The following MCRS1 variants were observed in gnomAD, a reference collection of about 807,000 sequenced individuals.
MCRS1 encodes microspherule protein 1.
MCRS1 carries 22 observed loss-of-function variants against 62.9 expected under a neutral mutation model. The observed-to-expected ratio is 0.35, with a 90% CI of 0.25 to 0.50. The LOEUF (loss-of-function observed/expected upper bound fraction) is 0.50, where lower values mean the gene tolerates loss of function less well. Ranked by LOEUF, MCRS1 falls within the 20% of genes least tolerant of loss-of-function variation. The pLI is 0.98. For missense variants in MCRS1, 456 were observed against 601.1 expected (o/e 0.76, Z 2.52); for synonymous variants, 244 against 233.5 (o/e 1.04, Z -0.41).
chr12:49,564,135 A>G (rs975377288), intron 6 of MCRS1, among the ~76,000 whole-genome samples: 73 of 152,184 alleles, frequency 4.8e-4, no homozygotes, highest in African/African-American at 1.7e-3. Flanking sequence ...TAGGAGGTCA[A>G]TGTGGAAAGG....
chr12:49,568,114 G>C lies in MCRS1; in HGVS notation c.-177C>G, dbSNP rs1939160333. On this transcript the variant is annotated 5_prime_UTR_variant, in exon 1 of 15. Transcript: ENST00000343810. ...GGTAGCAGCCGCAGGGCCAAAGCCGGCTTCCGTGAGGTACGTCTACTTCCG... is the reference window on the plus strand; with the variant it reads ...GGTAGCAGCCGCAGGGCCAAAGCCGCCTTCCGTGAGGTACGTCTACTTCCG... The C allele has an allele frequency of 6.6e-6, 1 of 152,262 alleles. No homozygotes were observed. Among genetic ancestry groups the C allele is most frequent in the South Asian group, 2.1e-4 (1 of 4,838 alleles). 9.4% of individuals were successfully genotyped at this position (152,262 alleles called of 1,614,324 possible).
At chr12:49,564,665 T>C (rs986433840) in intron 5 of MCRS1, 72 bp downstream of exon 5, 23 of 1,605,046 alleles carry the variant, frequency 1.4e-5, no homozygotes, top group African/African-American at 1.3e-5. Flanking sequence ...CAGGGCCCTG[T>C]TGGGCTAATT....
rs892001458 is a variant in MCRS1, at chr12:49,568,100, C to G, written c.-163G>C. 2.6e-5 allele frequency: 4 copies of G among 152,258 alleles called. No individual in the cohort carries two copies. The highest frequency in any genetic ancestry group is 5.9e-5 in the Non-Finnish European group (4 of 68,054). The allele number at this position is 152,258 out of a possible 1,614,324, so 9.4% of individuals were successfully genotyped here. ...TTCTCCGCGGCGACGGTAGCAGCCG[C>G]AGGGCCAAAGCCGGCTTCCGTGAGG... On this transcript the variant is annotated 5_prime_UTR_variant, in exon 1 of 15. Transcript: ENST00000343810.
chr12:49,559,588 G>C lies in MCRS1; in HGVS notation c.1004-53C>G. 6.2e-7 allele frequency: 1 copy of C among 1,600,002 alleles called. No individual in the cohort carries two copies. The highest frequency in any genetic ancestry group is 1.7e-5 in the Admixed American group (1 of 59,918). ...CTACCCCTGAGGGCCAGAATGCAAGGCAGGGAACCAGGGCAAGGTTTATAA... is the reference window on the plus strand; with the variant it reads ...CTACCCCTGAGGGCCAGAATGCAAGCCAGGGAACCAGGGCAAGGTTTATAA... On this transcript the variant is annotated intron_variant, in intron 11 of 14. Coordinates refer to ENST00000343810, the MANE Select transcript of MCRS1 (RefSeq NM_006337.5). This position sits in a 1 kb window ranked among gnomAD's most constrained non-coding sequence, Gnocchi z 5.2.
rs1938941580 is a variant in MCRS1 at position 49,564,492 on chromosome 12, A to G, written c.546T>C (p.Pro182=). 1.9e-6 allele frequency: 3 copies of G among 1,612,634 alleles called. No individual in the cohort carries two copies. The highest frequency in any genetic ancestry group is 2.5e-6 in the Non-Finnish European group (3 of 1,179,134). ...QERWYALLYD[P]VISKLACQAM... is the part of the protein sequence containing the mutation. ...CAGCTCCCACTCACTTGGAGATGAC[A>G]GGATCGTAGAGCAGGGCGTACCAAC... The change falls in exon 6 of 15, where the codon CCT becomes CCC. Residue 182 remains proline (P), a synonymous_variant. Coordinates refer to ENST00000343810, the MANE Select transcript of MCRS1 (RefSeq NM_006337.5).
In MCRS1 at chr12:49,559,489, C is replaced by T; in HGVS notation, c.1050G>A (p.Arg350=). ...GCATCAGGTACCGCACCATGCGGCCCCGCAGCACTGCCAGTGTCTGGTTGT... is the reference window on the plus strand; with the variant it reads ...GCATCAGGTACCGCACCATGCGGCCTCGCAGCACTGCCAGTGTCTGGTTGT... ...DFDNQTLAVL[R]GRMVRYLMRS... is the part of the protein sequence containing the mutation. Residue 350 remains arginine (R), a synonymous_variant, in exon 12 of 15, where the codon CGG becomes CGA. Transcript: ENST00000343810. This position sits in a 1 kb window ranked among gnomAD's most constrained non-coding sequence, Gnocchi z 5.2. The T allele has an allele frequency of 6.2e-7, 1 of 1,613,058 alleles. No individual in the cohort carries two copies. The highest frequency in any genetic ancestry group is 1.7e-5 in the Admixed American group (1 of 60,032).
chr12:49,565,971 C>A, intron 3 of MCRS1, 106 bp downstream of exon 3: 1 of 1,474,566 alleles, frequency 6.8e-7, no homozygotes, highest in Non-Finnish European at 9.2e-7. Flanking sequence ...ACTAAGGCCC[C>A]AGAGGGGCTC....
In MCRS1 at chr12:49,559,575, G is replaced by A. The variant is rs1373682661; in HGVS notation, c.1004-40C>T. On this transcript the variant is annotated intron_variant, in intron 11 of 14. Transcript: ENST00000343810. The surrounding 1 kb of genome is among the most constrained non-coding windows in gnomAD (Gnocchi z 5.2). ...AGTTTGGAAGAGCCTACCCCTGAGG[G>A]CCAGAATGCAAGGCAGGGAACCAGG... The A allele has an allele frequency of 6.2e-7, 1 of 1,603,156 alleles. No individual in the cohort carries two copies. Among genetic ancestry groups the A allele is most frequent in the South Asian group, 1.1e-5 (1 of 90,996 alleles).
At position 49,559,335 on chromosome 12, in the gene MCRS1, G is replaced by C. The variant is rs1338971702; in HGVS notation, c.1087-34C>G. 6.2e-7 allele frequency: 1 copy of C among 1,609,438 alleles called. No homozygotes were observed. The highest frequency in any genetic ancestry group is 1.7e-5 in the Admixed American group (1 of 59,998). ...ATGGGGCAGGTGAGGGCTGGGACCT[G>C]AAGAATTGGGGGAGTAGGTCTATGC... On this transcript the variant is annotated intron_variant, in intron 12 of 14. Coordinates refer to ENST00000343810, the MANE Select transcript of MCRS1 (RefSeq NM_006337.5). This position sits in a 1 kb window ranked among gnomAD's most constrained non-coding sequence, Gnocchi z 5.2.
intron 3 of MCRS1, 64 bp downstream of exon 3, chr12:49,566,013 G>C (rs1939037711): frequency 6.4e-7 from 1 of 1,563,054 alleles, no homozygotes; most frequent in Non-Finnish European, 8.7e-7. Context: ...GGGGAGGCAT[G>C]TGGCACTTAA....
At position 49,559,623 on chromosome 12, in the gene MCRS1, G is replaced by A; in HGVS notation, c.1004-88C>T. On this transcript the variant is annotated intron_variant, in intron 11 of 14. Coordinates refer to ENST00000343810, the MANE Select transcript of MCRS1 (RefSeq NM_006337.5). The surrounding 1 kb of genome is among the most constrained non-coding windows in gnomAD (Gnocchi z 5.2). Reference sequence around the variant, plus strand: ...AGGGCAAGGTTTATAAGGGAAGGGGGTCGGGGCCTGGGAAACGAGGGTCTC... The same window carrying A: ...AGGGCAAGGTTTATAAGGGAAGGGGATCGGGGCCTGGGAAACGAGGGTCTC... 1 of 1,587,770 alleles carries A rather than the reference G, an allele frequency of 6.3e-7. No individual in the cohort carries two copies. The highest frequency in any genetic ancestry group is 8.6e-7 in the Non-Finnish European group (1 of 1,161,302).
chr12:49,566,897 C>T (rs1939093412), intron 1 of MCRS1, 56 bp from the exon 2 acceptor site: 4 of 875,076 alleles, frequency 4.6e-6, no homozygotes, highest in Non-Finnish European at 7.2e-6. Flanking sequence ...GCCAGCCTCA[C>T]TTCCTTATAC....
At chr12:49,565,989 C>A (rs1939035673) in intron 3 of MCRS1, 88 bp downstream of exon 3, 1 of 1,519,472 alleles carries the variant, frequency 6.6e-7, no homozygotes, top group African/African-American at 1.4e-5. Context: ...CTCAGGCAGC[C>A]ATTCCCAACA....
At chr12:49,566,400 A>G in intron 2 of MCRS1, 185 bp from the exon 3 acceptor site, 1 of 1,575,782 alleles carries the variant, frequency 6.3e-7, no homozygotes, top group Non-Finnish European at 8.6e-7. Flanking sequence ...CCTGGCCCAG[A>G]CCTTCCACGC....
rs1370536256 is a variant in MCRS1 at position 49,559,538 on chromosome 12, G to C, written c.1004-3C>G. Reference sequence around the variant, plus strand: ...GTCGAAGTCCGGAGAGCTCATGCCTGGGAGAAGAGGGAGTTTGGAAGAGCC... The same window carrying C: ...GTCGAAGTCCGGAGAGCTCATGCCTCGGAGAAGAGGGAGTTTGGAAGAGCC... On this transcript the variant is annotated splice_region_variant and splice_polypyrimidine_tract_variant and intron_variant, in intron 11 of 14. Transcript: ENST00000343810. The surrounding 1 kb of genome is among the most constrained non-coding windows in gnomAD (Gnocchi z 5.2). 1 of 1,608,882 alleles carries C rather than the reference G, an allele frequency of 6.2e-7. No individual in the cohort carries two copies. The highest frequency in any genetic ancestry group is 1.7e-5 in the Admixed American group (1 of 60,012).
intron 8 of MCRS1, among the ~76,000 whole-genome samples, chr12:49,561,803 A>G (rs1938785332): frequency 6.6e-6 from 1 of 152,026 alleles, no homozygotes; most frequent in South Asian, 2.1e-4. Context: ...TACTTTTTGT[A>G]TTTTTAGTAG....
In MCRS1 at chr12:49,565,542, C is replaced by A; in HGVS notation, c.275G>T (p.Ser92Ile). The A allele has an allele frequency of 6.3e-7, 1 of 1,598,118 alleles. No homozygotes were observed. The highest frequency in any genetic ancestry group is 1.1e-5 in the South Asian group (1 of 87,848). ...GRCSGSEPSS[S>I]EKKKVSKAPS... ...CCAATTCCTCACCTTCTTCTTCTCACTGGAGGAGGGTTCACTCCCCGAACA... is the reference window on the plus strand; with the variant it reads ...CCAATTCCTCACCTTCTTCTTCTCAATGGAGGAGGGTTCACTCCCCGAACA... Residue 92 changes from serine to isoleucine, a missense_variant, in exon 4 of 15, where the codon AGT becomes ATT. Coordinates refer to ENST00000343810, the MANE Select transcript of MCRS1 (RefSeq NM_006337.5).
intron 4 of MCRS1, chr12:49,565,138 C>T (rs557235912): frequency 5.1e-6 from 5 of 985,412 alleles, no homozygotes; most frequent in East Asian, 1.1e-4. Flanking sequence ...GCAGTATCCC[C>T]GACCCCAGAG....
In MCRS1 at chr12:49,563,445, A is replaced by T; in HGVS notation, c.659T>A (p.Val220Glu). ...CCCAGCCCTCAGCCTTACCGATCCC[A>T]CTTTGCTCAGCAGCTGCTCCTCAGC... ...SKAEEQLLSKVGSTSQPTLET... is the reference protein window; with the variant it reads ...SKAEEQLLSKEGSTSQPTLET... The change falls in exon 7 of 15, where the codon GTG becomes GAG. Residue 220 changes from valine (V) to glutamate (E), a missense_variant. Coordinates refer to ENST00000343810, the MANE Select transcript of MCRS1 (RefSeq NM_006337.5). The T allele has an allele frequency of 6.2e-7, 1 of 1,611,836 alleles. No individual in the cohort carries two copies. The highest frequency in any genetic ancestry group is 8.5e-7 in the Non-Finnish European group (1 of 1,179,340).
Sources: gnomAD v4.1 joint callset for allele counts (sites outside exome capture counted in the v4.1 genomes callset) on GRCh38, gnomAD v4.1.1 for gene constraint, Gnocchi (gnomAD v3.1) non-coding constraint, MANE v1.5 for transcripts, NCBI Gene and HGNC (gene_info 2026-07-23, HGNC 2026-07-21) for gene names.